Variants in SLC9A6 observed in about 807,000 individuals in gnomAD.
SLC9A6 encodes sodium/hydrogen exchanger 6.
A neutral mutation model predicts 45.3 loss-of-function variants in SLC9A6; 6 were observed. That is an observed-to-expected ratio of 0.13 (90% CI 0.07 to 0.26). The LOEUF (loss-of-function observed/expected upper bound fraction) is 0.26. Among genes scored for constraint, SLC9A6 ranks in the 10% least tolerant of loss-of-function variants. The pLI is 1.00. For synonymous variants in SLC9A6, 191 were observed against 187.7 expected (o/e 1.02, Z -0.14); for missense variants, 278 against 503.7 (o/e 0.55, Z 4.29).
At chrX:135,985,267 C>G (rs1025503234), upstream of SLC9A6, 3 of 283,830 alleles carry the variant, frequency 1.1e-5, no homozygotes, top group South Asian at 5.5e-4. Context: ...AGGCAGTGGG[C>G]TAGTTTAGAC....
intron 11 of SLC9A6, among the ~76,000 whole-genome samples, chrX:136,020,186 T>C (rs900995318): frequency 1.8e-5 from 2 of 111,145 alleles, no homozygotes; most frequent in East Asian, 2.8e-4. Flanking sequence ...TCCCCCGCCA[T>C]GTTGTACTGC....
At chrX:136,012,901 T>C in intron 8 of SLC9A6, 48 bp from the exon 9 acceptor site, 1 of 950,939 alleles carries the variant, frequency 1.1e-6, no homozygotes, top group Non-Finnish European at 1.5e-6. Context: ...TTTTTTCTAG[T>C]CACACTTTTG....
chrX:136,024,519 AT>A, intron 13 of SLC9A6, 36 bp downstream of exon 13: 1 of 1,139,507 alleles, frequency 8.8e-7, no homozygotes, highest in Non-Finnish European at 1.2e-6. Flanking sequence ...TTAAGATTAA[AT>A]TTTAATTTGG....
At chrX:136,024,867 T>C in intron 13 of SLC9A6, among the ~76,000 whole-genome samples, 1 of 112,085 alleles carries the variant, frequency 8.9e-6, no homozygotes, top group East Asian at 2.8e-4. Context: ...GTTGGACTTT[T>C]GTATTGTTTC....
At chrX:135,974,958 C>G (rs2089253482) in intron 1 of SLC9A6, 2 of 237,470 alleles carry the variant, frequency 8.4e-6, no homozygotes, top group Admixed American at 1.1e-4. Flanking sequence ...CTCCTCTGCC[C>G]ATTTTTCTTT....
upstream of SLC9A6, among the ~76,000 whole-genome samples, chrX:135,982,800 C>G (rs868974071): frequency 8.9e-6 from 1 of 112,454 alleles, no homozygotes. Context: ...GAGAAGGAAA[C>G]ACTTCTTCCA....
intron 8 of SLC9A6, 82 bp downstream of exon 8, chrX:136,010,665 A>G (rs2070903761): frequency 2.3e-6 from 2 of 881,368 alleles, no homozygotes; most frequent in East Asian, 3.1e-5. Context: ...TCCTAGTTCT[A>G]TGATTAGAAT....
chrX:135,985,546 T>A (rs2089319510), intron 1 of SLC9A6, 57 bp from the exon 2 acceptor site: 1 of 1,170,714 alleles, frequency 8.5e-7, no homozygotes, highest in African/African-American at 1.8e-5. Context: ...CGCCGTGGCG[T>A]CGGCAGCAGT....
At position 135,978,938 on chromosome X, in the gene SLC9A6, A is replaced by G. The variant is rs189869004; in HGVS notation, c.-57+4155A>G. 9.1e-4 allele frequency among the ~76,000 whole-genome samples: 101 copies of G among 110,406 alleles called. 1 individual carries two copies. Among genetic ancestry groups the G allele is most frequent in the Non-Finnish European group, 1.4e-3 (74 of 52,828 alleles). On this transcript the variant is annotated intron_variant, in intron 1 of 16. Coordinates refer to the SLC9A6 transcript ENST00000636092. ...CCACCACACCAGATACCACCACACT[A>G]GATTCCAGACCCCTCATTCGTCATG...
chrX:136,034,720 T>C (rs2071385083), intron 16 of SLC9A6, among the ~76,000 whole-genome samples: 1 of 112,079 alleles, frequency 8.9e-6, no homozygotes, highest in Non-Finnish European at 1.9e-5. Context: ...TTGGTAATTT[T>C]TGCATTCACT....
At chrX:136,042,305 G>T (rs1210670588) in intron 17 of SLC9A6, among the ~76,000 whole-genome samples, 1 of 109,929 alleles carries the variant, frequency 9.1e-6, no homozygotes, top group Non-Finnish European at 1.9e-5. Context: ...CTCCCAAGTA[G>T]CTGGGATTAC....
chrX:136,014,658 A>C (rs1344322955), intron 10 of SLC9A6, among the ~76,000 whole-genome samples: 3 of 112,652 alleles, frequency 2.7e-5, no homozygotes, highest in Non-Finnish European at 5.6e-5. Context: ...CCAGCTACTC[A>C]GGAGGCTGAG....
chrX:136,038,944 GT>G (rs2071459641), intron 16 of SLC9A6, among the ~76,000 whole-genome samples: 1 of 110,649 alleles, frequency 9.0e-6, no homozygotes, highest in Non-Finnish European at 1.9e-5. Flanking sequence ...TTGGCCAGAT[GT>G]TTTATAAAGC....
intron 7 of SLC9A6, 161 bp from the exon 8 acceptor site, chrX:136,010,281 C>T: frequency 2.5e-6 from 1 of 393,462 alleles, no homozygotes; most frequent in Non-Finnish European, 4.3e-6. Flanking sequence ...TAGCCAGATA[C>T]ATTGCAGGAT....
At chrX:135,993,977 C>G (rs1569524137) in intron 2 of SLC9A6, among the ~76,000 whole-genome samples, 1 of 111,541 alleles carries the variant, frequency 9.0e-6, no homozygotes, top group Admixed American at 9.6e-5. Flanking sequence ...CTCAATCAAC[C>G]TACAAATATT....
intron 11 of SLC9A6, among the ~76,000 whole-genome samples, chrX:136,021,408 C>G (rs1018458355): frequency 1.8e-5 from 2 of 112,309 alleles, no homozygotes; most frequent in Non-Finnish European, 3.8e-5. Context: ...AATTGTTAAC[C>G]AGTGTTCCCA....
chrX:136,014,638 G>A (rs1275711227), intron 10 of SLC9A6, among the ~76,000 whole-genome samples: 3 of 112,536 alleles, frequency 2.7e-5, no homozygotes, highest in Admixed American at 1.9e-4. Context: ...AGTGGCTTGC[G>A]CCTGTAGTCC....
chrX:136,006,638 G>T (rs911653624), intron 7 of SLC9A6, among the ~76,000 whole-genome samples: 1 of 110,584 alleles, frequency 9.0e-6, no homozygotes. Flanking sequence ...TACGGTATAT[G>T]TAGTTAGAGA....
chrX:135,985,981 T>G (rs1466856205), intron 2 of SLC9A6, among the ~76,000 whole-genome samples, 154 bp downstream of exon 2: 1 of 109,459 alleles, frequency 9.1e-6, no homozygotes, highest in Non-Finnish European at 1.9e-5. Flanking sequence ...CCCGCGTTTC[T>G]CTGCCTCACC....
Sources: gnomAD v4.1 joint callset for allele counts (sites outside exome capture counted in the v4.1 genomes callset) on GRCh38, gnomAD v4.1.1 for gene constraint, MANE v1.5 for transcripts, NCBI Gene and HGNC (gene_info 2026-07-23, HGNC 2026-07-21) for gene names.